LAMP3: variants seen among roughly 807,000 people sequenced by gnomAD.
LAMP3 encodes lysosome-associated membrane glycoprotein 3.
In LAMP3, 26 loss-of-function variants were observed where a neutral mutation model predicts 34.8. The ratio of observed to expected loss-of-function variants is 0.75; its 90% CI spans 0.55 to 1.04. LAMP3 has a LOEUF of 1.04. Ranked by LOEUF, LAMP3 falls within the 50% of genes least tolerant of loss-of-function variation. The pLI is 0.00. For synonymous variants in LAMP3, 180 were observed against 201.9 expected, an observed-to-expected ratio of 0.89 and a Z score of 0.92; for missense variants, 495 against 524.0, an observed-to-expected ratio of 0.94 and a Z score of 0.54.
At chr3:183,127,727 C>T (rs1011578674) in intron 5 of LAMP3, among the ~76,000 whole-genome samples, 3 of 152,156 alleles carry the variant, frequency 2.0e-5, no homozygotes, top group Non-Finnish European at 2.9e-5. Context: ...GTGTGAACAA[C>T]GTTTTGGTTG....
chr3:183,124,404 T>C (rs900132837), intron 5 of LAMP3, among the ~76,000 whole-genome samples, 190 bp from the exon 6 acceptor site: 1 of 152,196 alleles, frequency 6.6e-6, no homozygotes, highest in African/African-American at 2.4e-5. Context: ...AGTAAGCAAA[T>C]AATATGTAAG....
intron 4 of LAMP3, among the ~76,000 whole-genome samples, chr3:183,136,514 G>A (rs988113678): frequency 4.6e-5 from 7 of 152,132 alleles, no homozygotes; most frequent in Admixed American, 2.6e-4. Flanking sequence ...AGCTGGGCGC[G>A]GTGGCACATG....
chr3:183,158,314 G>C (rs1005878665), intron 1 of LAMP3, among the ~76,000 whole-genome samples: 1 of 152,088 alleles, frequency 6.6e-6, no homozygotes, highest in Non-Finnish European at 1.5e-5. Flanking sequence ...TTTTTAAATG[G>C]GATGTTTGGC....
At chr3:183,146,226 G>A (rs2108606177) in intron 3 of LAMP3, among the ~76,000 whole-genome samples, 1 of 152,256 alleles carries the variant, frequency 6.6e-6, no homozygotes, top group African/African-American at 2.4e-5. Context: ...TGGAGATAGA[G>A]GCCAGAAATG....
At chr3:183,152,785 A>C (rs1468103714) in intron 2 of LAMP3, among the ~76,000 whole-genome samples, 4 of 152,218 alleles carry the variant, frequency 2.6e-5, no homozygotes, top group Non-Finnish European at 4.4e-5. Context: ...ATGTTAAATG[A>C]TACTAGAGGG....
intron 5 of LAMP3, among the ~76,000 whole-genome samples, chr3:183,129,667 T>C (rs774861586): frequency 5.8e-4 from 88 of 152,242 alleles, no homozygotes; most frequent in Non-Finnish European, 1.6e-4. Flanking sequence ...GGAATTCACA[T>C]TAAGTGATTC....
chr3:183,129,586 T>C (rs1719859630), intron 5 of LAMP3, among the ~76,000 whole-genome samples: 1 of 152,158 alleles, frequency 6.6e-6, no homozygotes, highest in East Asian at 1.9e-4. Context: ...TTATGCAGTG[T>C]ATTGCTTTGA....
In LAMP3 at chr3:183,122,698, C is replaced by G. The variant is rs1719698417; in HGVS notation, c.*1383G>C. ...AATGTTTTACAAAGCCCCTCAGTCTCCTTCCAGAGAGTGGAGGATTTATTA... is the reference window on the plus strand; with the variant it reads ...AATGTTTTACAAAGCCCCTCAGTCTGCTTCCAGAGAGTGGAGGATTTATTA... On this transcript the variant is annotated 3_prime_UTR_variant, in exon 6 of 6. Transcript: ENST00000265598. 6.6e-6 allele frequency: 1 copy of G among 152,238 alleles called. No homozygotes were observed. The highest frequency in any genetic ancestry group is 2.4e-5 in the African/African-American group (1 of 41,468). 9.4% of individuals were successfully genotyped at this position (152,238 alleles called of 1,614,324 possible).
rs1720758296 is a variant in LAMP3, at chr3:183,154,245, C to T, written c.196G>A (p.Ala66Thr). ...AKQAPHQTLA[A>T]RFMDGHITFQ... ...GTGATATGACCATCCATGAATCTTGCTGCTAAAGTTTGGTGAGGTGCTTGC... is the reference window on the plus strand; with the variant it reads ...GTGATATGACCATCCATGAATCTTGTTGCTAAAGTTTGGTGAGGTGCTTGC... The change falls in exon 2 of 6, where the codon GCA becomes ACA. Residue 66 changes from alanine (A) to threonine (T), a missense_variant. Ala to Thr is a moderately conservative substitution (Grantham distance 58). Transcript: ENST00000265598. 1.2e-6 allele frequency: 2 copies of T among 1,614,126 alleles called. No individual in the cohort carries two copies. Among genetic ancestry groups the T allele is most frequent in the Non-Finnish European group, 1.7e-6 (2 of 1,180,028 alleles).
intron 4 of LAMP3, among the ~76,000 whole-genome samples, chr3:183,139,944 G>A (rs1433117922): frequency 6.6e-6 from 1 of 152,098 alleles, no homozygotes; most frequent in East Asian, 1.9e-4. Context: ...CTGCACTATC[G>A]ACAGCAAATC....
At chr3:183,151,064 G>A (rs185066683) in intron 3 of LAMP3, among the ~76,000 whole-genome samples, 29 of 152,234 alleles carry the variant, frequency 1.9e-4, no homozygotes, top group Admixed American at 1.4e-3. Flanking sequence ...AATCATAACC[G>A]CCACTCTTCA....
At chr3:183,129,026 A>G (rs904327958) in intron 5 of LAMP3, among the ~76,000 whole-genome samples, 3 of 152,164 alleles carry the variant, frequency 2.0e-5, no homozygotes, top group Admixed American at 2.0e-4. Context: ...CTGTCTCAAA[A>G]CAAACAAACA....
At chr3:183,157,199 G>A (rs886509993) in intron 1 of LAMP3, among the ~76,000 whole-genome samples, 6 of 152,136 alleles carry the variant, frequency 3.9e-5, no homozygotes, top group Non-Finnish European at 8.8e-5. Context: ...GACTATTAAT[G>A]ACATTAAGTT....
intron 5 of LAMP3, among the ~76,000 whole-genome samples, chr3:183,133,767 C>T (rs939704154): frequency 6.6e-6 from 1 of 152,182 alleles, no homozygotes; most frequent in African/African-American, 2.4e-5. Flanking sequence ...ATAAACAAAA[C>T]ACAATGTTTG....
At position 183,157,734 on chromosome 3, in the gene LAMP3, A is replaced by T. The variant is rs556202911; in HGVS notation, c.50-3343T>A. Among the ~76,000 whole-genome samples, 5 of 149,390 alleles carry T rather than the reference A, an allele frequency of 3.3e-5. No individual in the cohort carries two copies. In the South Asian group the frequency reaches 1.0e-3, roughly 31 times the overall value. On this transcript the variant is annotated intron_variant, in intron 1 of 5. Transcript: ENST00000265598. ...CTGAGTTCAGTTTCCTAAACTCAGT[A>T]GTGCACCCTTAAAAAAAACAAAAAA... is the stretch of plus-strand genomic sequence containing the variant.
chr3:183,147,525 T>C (rs1054835612), intron 3 of LAMP3, among the ~76,000 whole-genome samples: 8 of 152,234 alleles, frequency 5.3e-5, no homozygotes, highest in Non-Finnish European at 1.0e-4. Flanking sequence ...TTGAAATCTT[T>C]CTTGTCTTTA....
chr3:183,134,605 C>T lies in LAMP3; in HGVS notation c.1117+1112G>A, dbSNP rs186844933. ...AGTGGATGACAAATGGGGCCAACCTCTACTGGCAAATTCTCATATGACTGT... is the reference window on the plus strand; with the variant it reads ...AGTGGATGACAAATGGGGCCAACCTTTACTGGCAAATTCTCATATGACTGT... On this transcript the variant is annotated intron_variant, in intron 5 of 5. Coordinates refer to ENST00000265598, the MANE Select transcript of LAMP3 (RefSeq NM_014398.4). Among the ~76,000 whole-genome samples, 22 of 152,308 alleles carry T rather than the reference C, an allele frequency of 1.4e-4. No homozygotes were observed. In the East Asian group the frequency reaches 4.1e-3, roughly 28 times the overall value.
rs536221363 is a variant in LAMP3 at position 183,123,419 on chromosome 3, C to G, written c.*662G>C. 1 of 152,296 alleles carries G rather than the reference C, an allele frequency of 6.6e-6. No homozygotes were observed. Among genetic ancestry groups the G allele is most frequent in the East Asian group, 1.9e-4 (1 of 5,202 alleles). 9.4% of individuals were successfully genotyped at this position (152,296 alleles called of 1,614,324 possible). ...AATAAAAATACAAAAATTAGCCAGG[C>G]GTGGTAGTGTGTGCCTGTAATCCCA... On this transcript the variant is annotated 3_prime_UTR_variant, in exon 6 of 6. Transcript: ENST00000265598.
At chr3:183,157,821 T>TA (rs976302495) in intron 1 of LAMP3, among the ~76,000 whole-genome samples, 6 of 151,724 alleles carry the variant, frequency 4.0e-5, no homozygotes, top group Admixed American at 6.6e-5. Context: ...CTCAAATAAA[T>TA]AAAAAAAGGA....
Sources: gnomAD v4.1 joint callset for allele counts (sites outside exome capture counted in the v4.1 genomes callset) on GRCh38, gnomAD v4.1.1 for gene constraint, MANE v1.5 for transcripts, NCBI Gene and HGNC (gene_info 2026-07-23, HGNC 2026-07-21) for gene names.